Variants in APCDD1 observed in about 807,000 individuals in gnomAD.
APCDD1 encodes the protein APC down-regulated 1.
In APCDD1, 15 loss-of-function variants were observed where a neutral mutation model predicts 38.1. The ratio of observed to expected loss-of-function variants is 0.39; its 90% confidence interval spans 0.26 to 0.61. APCDD1 has a LOEUF of 0.61. Ranked by LOEUF, APCDD1 falls within the 20% of genes least tolerant of loss-of-function variation. The pLI is 0.49. For synonymous variants in APCDD1, 261 were observed against 279.7 expected (o/e 0.93, Z 0.67); for missense variants, 647 against 696.2 (o/e 0.93, Z 0.79).
At chr18:10,464,341 C>G (rs1228462765) in intron 1 of APCDD1, among the ~76,000 whole-genome samples, 1 of 150,320 alleles carries the variant, frequency 6.7e-6, no homozygotes, top group Non-Finnish European at 1.5e-5. Flanking sequence ...CACACACACA[C>G]ACAGACACAC....
intron 1 of APCDD1, among the ~76,000 whole-genome samples, chr18:10,457,367 A>G (rs55942843): frequency 0.064 from 9,703 of 152,302 alleles, 372 homozygotes; most frequent in East Asian, 0.12. Flanking sequence ...TTTGCTGAAT[A>G]TGTCGTACTC....
At position 10,471,969 on chromosome 18, in the gene APCDD1, G is replaced by C; in HGVS notation, c.682G>C (p.Glu228Gln). Residue 228 changes from glutamate to glutamine, a missense_variant, in exon 3 of 5, where the codon GAG becomes CAG. Coordinates refer to ENST00000355285, the MANE Select transcript of APCDD1 (RefSeq NM_153000.5). The surrounding 1 kb of genome is among the most constrained non-coding windows in gnomAD (Gnocchi z 5.5). ...YLHHNLDHLV[E>Q]ELFLGDIHTD... ...TCACCACAACCTCGACCACCTGGTCGAGGAGCTCTTCCTTGGTGACATTCA... is the reference window on the plus strand; with the variant it reads ...TCACCACAACCTCGACCACCTGGTCCAGGAGCTCTTCCTTGGTGACATTCA... 6.2e-7 allele frequency: 1 copy of C among 1,614,042 alleles called. No homozygotes were observed. Among genetic ancestry groups the C allele is most frequent in the Non-Finnish European group, 8.5e-7 (1 of 1,180,032 alleles).
At position 10,485,473 on chromosome 18, in the gene APCDD1, T is replaced by C. The variant is rs750059738; in HGVS notation, c.786T>C (p.His262=). The C allele has an allele frequency of 7.4e-6, 12 of 1,613,976 alleles. No homozygotes were observed. Among genetic ancestry groups the C allele is most frequent in the Admixed American group, 1.7e-5 (1 of 60,000 alleles). ...TTTCTTGGCTTCAGAACCACGACCA[T>C]GCCTGCATCGCCTGTCGGATCATCT... ...PPLQNAKNHD[H]ACIACRIIYR... The change falls in exon 4 of 5, where the codon CAT becomes CAC. Residue 262 remains histidine (H), a synonymous_variant. Transcript: ENST00000355285. This position sits in a 1 kb window ranked among gnomAD's most constrained non-coding sequence, Gnocchi z 5.8.
chr18:10,485,768 G>A lies in APCDD1; in HGVS notation c.1081G>A (p.Glu361Lys), dbSNP rs201970588. The A allele has an allele frequency of 3.2e-5, 52 of 1,612,966 alleles. No homozygotes were observed. Among genetic ancestry groups the A allele is most frequent in the Non-Finnish European group, 3.7e-5 (44 of 1,180,012 alleles). Residue 361 changes from glutamate (E) to lysine (K), a missense_variant, in exon 4 of 5, where the codon GAG becomes AAG. Transcript: ENST00000355285. The surrounding 1 kb of genome is among the most constrained non-coding windows in gnomAD (Gnocchi z 5.8). ...VLSSRVMGGT[E>K]FVFKVNHMKV... ...CTCGTCCAGGGTCATGGGAGGCACC[G>A]AGTTCGTGTTCAAAGGTAGGATTCC... is the stretch of plus-strand genomic sequence containing the variant.
rs2030985884 is a variant in APCDD1 at position 10,475,847 on chromosome 18, T to G, written c.774+3786T>G. 6.6e-6 allele frequency: 1 copy of G among 151,702 alleles called. No individual in the cohort carries two copies. Among genetic ancestry groups the G allele is most frequent in the South Asian group, 2.1e-4 (1 of 4,820 alleles). 9.4% of individuals were successfully genotyped at this position (151,702 alleles called of 1,614,324 possible). The stretch of plus-strand genomic sequence containing the variant: ...TGGCTCTGGTAGCTGAAAGGGTCCA[T>G]TCTTCTCTTGTCTCTCGCCTTGTAC... On this transcript the variant is annotated intron_variant, in intron 3 of 4. Transcript: ENST00000355285. The surrounding 1 kb of genome is among the most constrained non-coding windows in gnomAD (Gnocchi z 4.0).
At chr18:10,460,084 G>GA (rs2030493114) in intron 1 of APCDD1, among the ~76,000 whole-genome samples, 2 of 152,304 alleles carry the variant, frequency 1.3e-5, no homozygotes, top group Non-Finnish European at 2.9e-5. Flanking sequence ...ACGTGTGCTT[G>GA]AAAATTATCG....
chr18:10,470,479 T>C lies in APCDD1; in HGVS notation c.243-1051T>C, dbSNP rs932354752. Among the ~76,000 whole-genome samples the C allele has an allele frequency of 6.6e-6, 1 of 152,246 alleles. No homozygotes were observed. The highest frequency in any genetic ancestry group is 1.5e-5 in the Non-Finnish European group (1 of 68,042). On this transcript the variant is annotated intron_variant, in intron 2 of 4. Coordinates refer to ENST00000355285, the MANE Select transcript of APCDD1 (RefSeq NM_153000.5). The surrounding 1 kb of genome is among the most constrained non-coding windows in gnomAD (Gnocchi z 4.1). ...TGCTTATCTTTCACCAGTCCATCAA[T>C]GAGCAAATTAAAATGTTAGCAATTT...
chr18:10,480,059 T>G (rs1238898292), intron 3 of APCDD1, among the ~76,000 whole-genome samples: 1 of 152,220 alleles, frequency 6.6e-6, no homozygotes, highest in Non-Finnish European at 1.5e-5. Context: ...TTCCTCTGCT[T>G]TAACCTTCAA....
At chr18:10,473,534 T>C (rs2030915639) in intron 3 of APCDD1, among the ~76,000 whole-genome samples, 1 of 152,184 alleles carries the variant, frequency 6.6e-6, no homozygotes, top group South Asian at 2.1e-4. Context: ...GCCGGCTCCA[T>C]TGCTGCAGCT....
In APCDD1 at chr18:10,461,453, C is replaced by T. The variant is rs922661826; in HGVS notation, c.58+6414C>T. Among the ~76,000 whole-genome samples, 48 of 152,160 alleles carry T rather than the reference C, an allele frequency of 3.2e-4. 1 individual carries two copies. Among genetic ancestry groups the T allele is most frequent in the African/African-American group, 1.1e-3 (44 of 41,434 alleles). On this transcript the variant is annotated intron_variant, in intron 1 of 4. Transcript: ENST00000355285. ...CATTTGGATAACGTTATTCAGAATT[C>T]CTCTGGACTGGGAACAGTCCCTGGA...
At position 10,487,594 on chromosome 18, in the gene APCDD1, T is replaced by C; in HGVS notation, c.1101T>C (p.Asn367=). 6.2e-7 allele frequency: 1 copy of C among 1,614,010 alleles called. No homozygotes were observed. The stretch of plus-strand genomic sequence containing the variant: ...ACTCTCCTTTCTCCTTTGCAGTGAA[T>C]CACATGAAGGTCACCCCCATGGATG... ...MGGTEFVFKV[N]HMKVTPMDAA... is the part of the protein sequence containing the mutation. The change falls in exon 5 of 5, where the codon AAT becomes AAC. Residue 367 remains asparagine (N), a synonymous_variant. Coordinates refer to ENST00000355285, the MANE Select transcript of APCDD1 (RefSeq NM_153000.5).
chr18:10,459,584 G>T (rs997709586), intron 1 of APCDD1, among the ~76,000 whole-genome samples: 3 of 152,220 alleles, frequency 2.0e-5, no homozygotes, highest in Admixed American at 2.0e-4. Context: ...ATGGGCAAAA[G>T]CAGCAAGCTT....
rs966574024 is a variant in APCDD1, at chr18:10,476,495, C to T, written c.774+4434C>T. ...CGTCAGAGCAGCCATAATCCTCTGC[C>T]GAGATTCTTCAGAACTATGCAGTTG... On this transcript the variant is annotated intron_variant, in intron 3 of 4. Coordinates refer to ENST00000355285, the MANE Select transcript of APCDD1 (RefSeq NM_153000.5). This position sits in a 1 kb window ranked among gnomAD's most constrained non-coding sequence, Gnocchi z 5.8. 2 of 152,202 alleles carry T rather than the reference C, an allele frequency of 1.3e-5. No homozygotes were observed. The highest frequency in any genetic ancestry group is 6.5e-5 in the Admixed American group (1 of 15,286). 9.4% of individuals were successfully genotyped at this position (152,202 alleles called of 1,614,324 possible).
chr18:10,480,571 G>A (rs2031110469), intron 3 of APCDD1, among the ~76,000 whole-genome samples: 1 of 152,138 alleles, frequency 6.6e-6, no homozygotes, highest in African/African-American at 2.4e-5. Flanking sequence ...TGCTTGTTAT[G>A]ATAACTTTGG....
At chr18:10,465,195 A>G (rs956711101) in intron 1 of APCDD1, among the ~76,000 whole-genome samples, 3 of 152,166 alleles carry the variant, frequency 2.0e-5, no homozygotes, top group Non-Finnish European at 4.4e-5. Context: ...TCTCACAATC[A>G]GTGGGGGCCC....
rs1007474403 is a variant in APCDD1, at chr18:10,488,116, T to A, written c.*78T>A. ...TTTGCTTTACCAAAAGAAAAGACATTTATTCTTTTGATGCACTTGAATGCC... is the reference window on the plus strand; with the variant it reads ...TTTGCTTTACCAAAAGAAAAGACATATATTCTTTTGATGCACTTGAATGCC... On this transcript the variant is annotated 3_prime_UTR_variant, in exon 5 of 5. Transcript: ENST00000355285. 8 of 1,543,638 alleles carry A rather than the reference T, an allele frequency of 5.2e-6. No individual in the cohort carries two copies. The African/African-American group carries it at 8.2e-5, about 16-fold the overall frequency.
intron 3 of APCDD1, among the ~76,000 whole-genome samples, chr18:10,474,433 C>T (rs912565759): frequency 8.7e-5 from 13 of 149,004 alleles, no homozygotes; most frequent in Admixed American, 2.6e-4. Flanking sequence ...CACCAAAAAG[C>T]ACGGGGAGCC....
At chr18:10,458,985 T>A (rs1014736597) in intron 1 of APCDD1, among the ~76,000 whole-genome samples, 1 of 152,202 alleles carries the variant, frequency 6.6e-6, no homozygotes, top group Non-Finnish European at 1.5e-5. Context: ...TGGAAAGTCA[T>A]GTGATAGGTA....
In APCDD1 at chr18:10,468,507, A is replaced by T; in HGVS notation, c.97A>T (p.Arg33Trp). The T allele has an allele frequency of 2.5e-6, 4 of 1,614,182 alleles. No homozygotes were observed. The highest frequency in any genetic ancestry group is 3.4e-6 in the Non-Finnish European group (4 of 1,180,036). Residue 33 changes from arginine (R) to tryptophan (W), a missense_variant, in exon 2 of 5, where the codon AGG (arginine) becomes TGG (tryptophan). Coordinates refer to ENST00000355285, the MANE Select transcript of APCDD1 (RefSeq NM_153000.5). ...TTCTGCCCTCCTTCATCCAGACAGC[A>T]GGTCTCATCCTAGGTCCTTAGAGAA... The part of the protein sequence containing the change: ...EGSALLHPDS[R>W]SHPRSLEKSA...
Sources: allele counts gnomAD v4.1 joint callset (sites outside exome capture counted in the v4.1 genomes callset), GRCh38; gene constraint gnomAD v4.1.1; non-coding constraint Gnocchi (gnomAD v3.1); transcripts MANE v1.5; gene names NCBI Gene and HGNC (gene_info 2026-07-23, HGNC 2026-07-21).